SGSM1: variants seen among roughly 807,000 people sequenced by gnomAD.
SGSM1 encodes RUN and TBC1 domain containing 2.
SGSM1 carries 73 observed loss-of-function variants against 133.8 expected under a neutral mutation model. The ratio of observed to expected loss-of-function variants is 0.55; its 90% CI spans 0.45 to 0.66. The LOEUF is 0.66. SGSM1 is among the 30% of genes least tolerant of loss of function. The pLI is 0.00. For missense variants in SGSM1, 1,213 were observed against 1,448.1 expected (o/e 0.84, Z 2.64); for synonymous variants, 563 against 573.0 (o/e 0.98, Z 0.25).
Position 24,900,378 on chromosome 22 carries a change from T to C in SGSM1, c.2611-1455T>C, listed in dbSNP as rs77815740. Among the ~76,000 whole-genome samples the C allele has an allele frequency of 8.9e-4, 68 of 76,442 alleles. 1 individual carries two copies. Among genetic ancestry groups the C allele is most frequent in the African/African-American group, 2.7e-3 (64 of 23,792 alleles). 50.1% of individuals were successfully genotyped at this position (76,442 alleles called of 152,430 possible). On this transcript the variant is annotated intron_variant, in intron 19 of 24. Coordinates refer to ENST00000400358, the MANE Select transcript of SGSM1 (RefSeq NM_001098497.3). ...TTCTTTCTTTCTTTCTTTCTTTCTT[T>C]CTTTCTTTCTTTCTTTCTTTCTTTC...
intron 5 of SGSM1, among the ~76,000 whole-genome samples, chr22:24,850,824 G>A (rs921053111): frequency 6.6e-6 from 1 of 152,140 alleles, no homozygotes; most frequent in Non-Finnish European, 1.5e-5. Flanking sequence ...GAGGCTGGGC[G>A]CAATGGCTCA....
In SGSM1 at chr22:24,886,656, G is replaced by C; in HGVS notation, c.1698G>C (p.Glu566Asp). ...RLIYYGGIQPEIRKAVWPFLL... is the reference protein window; with the variant it reads ...RLIYYGGIQPDIRKAVWPFLL... ...TCTACTACGGGGGCATCCAGCCTGA[G>C]ATCCGCAAGGCCGTGTGGCCCTTCC... Residue 566 changes from glutamate (E) to aspartate (D), a missense_variant, in exon 16 of 25, where the codon GAG (glutamate) becomes GAC (aspartate). Transcript: ENST00000400358. 1 of 1,561,652 alleles carries C rather than the reference G, an allele frequency of 6.4e-7. No homozygotes were observed. Among genetic ancestry groups the C allele is most frequent in the Non-Finnish European group, 8.7e-7 (1 of 1,153,072 alleles).
At chr22:24,841,221 A>G (rs1168557539) in intron 2 of SGSM1, among the ~76,000 whole-genome samples, 2 of 152,340 alleles carry the variant, frequency 1.3e-5, no homozygotes, top group Middle Eastern at 3.4e-3. Context: ...CACATTTATT[A>G]TTTAAGAGTA....
Position 24,844,985 on chromosome 22 carries a change from C to G in SGSM1, c.139+13C>G. 6.2e-7 allele frequency: 1 copy of G among 1,613,162 alleles called. No individual in the cohort carries two copies. Among genetic ancestry groups the G allele is most frequent in the East Asian group, 2.2e-5 (1 of 44,840 alleles). On this transcript the variant is annotated intron_variant, in intron 3 of 24. Transcript: ENST00000400358. ...ATCTCCTTCTGTGGTGAGTCTGTGACCTGGGAAAGTGGCTTCTTTCTCTGT... is the reference window on the plus strand; with the variant it reads ...ATCTCCTTCTGTGGTGAGTCTGTGAGCTGGGAAAGTGGCTTCTTTCTCTGT...
chr22:24,859,958 G>A lies in SGSM1; in HGVS notation c.926+118G>A, dbSNP rs118010408. 396 of 1,428,962 alleles carry A rather than the reference G, an allele frequency of 2.8e-4. 2 individuals are homozygous for A. The East Asian group carries it at 7.6e-3, about 27-fold the overall frequency. 88.5% of individuals were successfully genotyped at this position (1,428,962 alleles called of 1,614,324 possible). ...CGCCCCTGCTTCTGCCCCCTCCTCT[G>A]CCTGGTTGTTAGGACCACTTGGCTC... On this transcript the variant is annotated intron_variant, in intron 9 of 24. Transcript: ENST00000400358.
chr22:24,845,674 C>T (rs998662918), intron 3 of SGSM1, among the ~76,000 whole-genome samples: 1 of 152,226 alleles, frequency 6.6e-6, no homozygotes, highest in African/African-American at 2.4e-5. Context: ...GAGGCCTGAG[C>T]TGGGAGAGCT....
intron 21 of SGSM1, among the ~76,000 whole-genome samples, chr22:24,909,357 A>G (rs1933533617): frequency 1.3e-5 from 2 of 152,168 alleles, no homozygotes; most frequent in Admixed American, 1.3e-4. Flanking sequence ...AAAACAATAG[A>G]AAATCACGGG....
At chr22:24,810,424 T>A (rs576249086) in intron 2 of SGSM1, among the ~76,000 whole-genome samples, 4 of 151,826 alleles carry the variant, frequency 2.6e-5, no homozygotes, top group African/African-American at 9.7e-5. Flanking sequence ...TCCAGTTAAA[T>A]CTGACCAGCT....
chr22:24,859,585 T>A, intron 8 of SGSM1, 131 bp from the exon 9 acceptor site: 1 of 1,283,634 alleles, frequency 7.8e-7, no homozygotes. Context: ...GTCTTCCACA[T>A]GGCCAGGGCC....
chr22:24,909,427 T>G, intron 21 of SGSM1, among the ~76,000 whole-genome samples: 1 of 151,600 alleles, frequency 6.6e-6, no homozygotes, highest in Non-Finnish European at 1.5e-5. Context: ...TGTAAAATGG[T>G]TTGGCCACTT....
intron 2 of SGSM1, among the ~76,000 whole-genome samples, chr22:24,822,558 C>T (rs1928546439): frequency 6.6e-6 from 1 of 152,228 alleles, no homozygotes; most frequent in African/African-American, 2.4e-5. Context: ...CTTTTTATCA[C>T]CACGATTCCT....
rs1371198332 is a variant in SGSM1, at chr22:24,868,420, C to T, written c.1039C>T (p.Gln347Ter). ...TVVLVSQDGI[Q>*]RPPFRFPKGG... ...GGTATTGGTCAGCCAGGACGGGATCCAGAGGCCGCCCTTCCGCTTCCCCAA... is the reference window on the plus strand; with the variant it reads ...GGTATTGGTCAGCCAGGACGGGATCTAGAGGCCGCCCTTCCGCTTCCCCAA... The change falls in exon 11 of 25, where the codon CAG (glutamine) becomes TAG (stop). Residue 347 changes from glutamine (Q) to a stop codon, truncating the protein, a stop_gained. Coordinates refer to ENST00000400358, the MANE Select transcript of SGSM1 (RefSeq NM_001098497.3). LOFTEE classifies it high-confidence loss of function. 1.2e-6 allele frequency: 2 copies of T among 1,613,850 alleles called. No individual in the cohort carries two copies. The highest frequency in any genetic ancestry group is 1.7e-6 in the Non-Finnish European group (2 of 1,179,828).
chr22:24,831,098 G>A (rs551734914), intron 2 of SGSM1, among the ~76,000 whole-genome samples: 10 of 151,678 alleles, frequency 6.6e-5, no homozygotes, highest in Admixed American at 6.6e-4. Flanking sequence ...ACGGGTTCAC[G>A]CTGCAGGTTA....
chr22:24,820,756 G>T lies in SGSM1; in HGVS notation c.63+14272G>T, dbSNP rs182574066. 3.9e-4 allele frequency among the ~76,000 whole-genome samples: 59 copies of T among 152,312 alleles called. No homozygotes were observed. In the East Asian group the frequency reaches 0.011, roughly 27 times the overall value. ...ATCCATTCACCAGCATTTGCTGAGC[G>T]CCTACTGTGTACCAGACTCTGTGCT... On this transcript the variant is annotated intron_variant, in intron 2 of 24. Coordinates refer to ENST00000400358, the MANE Select transcript of SGSM1 (RefSeq NM_001098497.3).
intron 20 of SGSM1, among the ~76,000 whole-genome samples, chr22:24,904,318 C>T (rs1018550544): frequency 6.6e-5 from 10 of 152,036 alleles, no homozygotes; most frequent in African/African-American, 2.4e-5. Context: ...CAGTGTCTCA[C>T]GCCTGTAATC....
intron 4 of SGSM1, among the ~76,000 whole-genome samples, chr22:24,849,040 A>G (rs1181103483): frequency 6.6e-6 from 1 of 152,242 alleles, no homozygotes; most frequent in Non-Finnish European, 1.5e-5. Flanking sequence ...TGGGCCTTCC[A>G]CAACACTGGG....
chr22:24,898,170 G>A lies in SGSM1; in HGVS notation c.2221G>A (p.Ala741Thr), dbSNP rs777891959. ...SLSTEDSVLD[A>T]QRNTPTVLRP... ...GAGCACAGAAGACAGTGTCTTGGAC[G>A]CCCAGCGGAACACCCCCACGGTGCT... The change falls in exon 19 of 25, where the codon GCC (alanine) becomes ACC (threonine). Residue 741 changes from alanine (A) to threonine (T), a missense_variant. Coordinates refer to ENST00000400358, the MANE Select transcript of SGSM1 (RefSeq NM_001098497.3). 55 of 1,613,962 alleles carry A rather than the reference G, an allele frequency of 3.4e-5. No individual in the cohort carries two copies. In the Middle Eastern group the frequency reaches 3.6e-3, roughly 106 times the overall value.
At chr22:24,848,859 G>C (rs1297749454) in intron 4 of SGSM1, among the ~76,000 whole-genome samples, 1 of 152,244 alleles carries the variant, frequency 6.6e-6, no homozygotes, top group Admixed American at 6.5e-5. Context: ...TTCAGGCCCT[G>C]CCTGCCCAGG....
At chr22:24,824,585 A>T (rs1005782598) in intron 2 of SGSM1, among the ~76,000 whole-genome samples, 1 of 140,790 alleles carries the variant, frequency 7.1e-6, no homozygotes, top group Admixed American at 7.5e-5. Flanking sequence ...CTCTTTCCAT[A>T]GGCTGTTTCT....
Sources: gnomAD v4.1 joint callset for allele counts (sites outside exome capture counted in the v4.1 genomes callset) on GRCh38, gnomAD v4.1.1 for gene constraint, MANE v1.5 for transcripts, NCBI Gene and HGNC (gene_info 2026-07-23, HGNC 2026-07-21) for gene names.